OSBPL9: variants seen among roughly 807,000 people sequenced by gnomAD.
OSBPL9 encodes oxysterol-binding protein-related protein 9.
Under a neutral mutation model 106.6 loss-of-function variants are expected in OSBPL9, and 40 were observed. The observed-to-expected ratio is 0.38, with a 90% CI of 0.29 to 0.49. The LOEUF (loss-of-function observed/expected upper bound fraction) is 0.49. OSBPL9 is among the 20% of genes least tolerant of loss of function. The pLI is 0.97. For synonymous variants in OSBPL9, 269 were observed against 295.4 expected (o/e 0.91, Z 0.92); for missense variants, 609 against 887.2 (o/e 0.69, Z 3.98).
chr1:51,730,249 G>C, intron 4 of OSBPL9: 1 of 928,314 alleles, frequency 1.1e-6, no homozygotes, highest in Non-Finnish European at 1.4e-6. Flanking sequence ...GCCCCCAAAT[G>C]AGACTTTGGA....
chr1:51,617,041 G>T, upstream of OSBPL9: 1 of 352,966 alleles, frequency 2.8e-6, no homozygotes, highest in Non-Finnish European at 4.7e-6. Flanking sequence ...CTGCGGCCCC[G>T]CCCCCCGCAT....
intron 3 of OSBPL9, among the ~76,000 whole-genome samples, chr1:51,706,225 G>A (rs1658502993): frequency 6.6e-6 from 1 of 152,188 alleles, no homozygotes; most frequent in East Asian, 1.9e-4. Context: ...TTTAATATTA[G>A]AGTGTTTTTG....
intron 1 of OSBPL9, among the ~76,000 whole-genome samples, chr1:51,590,347 G>A (rs9436460): frequency 0.99 from 149,855 of 151,952 alleles, 73,939 homozygotes; most frequent in Middle Eastern, 1. Context: ...GTGGCCGGGC[G>A]CGGTGGCTCA....
chr1:51,672,759 C>T (rs2148772117), intron 3 of OSBPL9, among the ~76,000 whole-genome samples: 1 of 152,260 alleles, frequency 6.6e-6, no homozygotes, highest in African/African-American at 2.4e-5. Context: ...AAAGACAAGT[C>T]TAGGTTGAGT....
intron 21 of OSBPL9, 183 bp downstream of exon 21, chr1:51,786,069 C>A: frequency 1.7e-6 from 1 of 586,360 alleles, no homozygotes; most frequent in Non-Finnish European, 3.0e-6. Flanking sequence ...CTTTCCTTCC[C>A]CCACCTTCTC....
chr1:51,705,245 T>C (rs1458021671), intron 3 of OSBPL9, among the ~76,000 whole-genome samples: 1 of 151,254 alleles, frequency 6.6e-6, no homozygotes, highest in Non-Finnish European at 1.5e-5. Context: ...ACTCTTGGGC[T>C]CAAGTGAGCC....
intron 1 of OSBPL9, among the ~76,000 whole-genome samples, chr1:51,580,203 G>A (rs966118071): frequency 7.2e-5 from 11 of 152,182 alleles, no homozygotes; most frequent in Admixed American, 6.5e-5. Flanking sequence ...GCCTTGTGGG[G>A]TGGTGAACAG....
intron 1 of OSBPL9, among the ~76,000 whole-genome samples, chr1:51,633,602 TAAATA>T (rs140884503): frequency 0.1 from 15,032 of 149,408 alleles, 906 homozygotes; most frequent in African/African-American, 0.16. Context: ...AAAAATAAAG[TAAATA>T]AAATAAAATA....
intron 7 of OSBPL9, chr1:51,749,390 G>A (rs957334032): frequency 4.4e-6 from 1 of 225,352 alleles, no homozygotes; most frequent in African/African-American, 2.2e-5. Context: ...ATAGCTCACT[G>A]CAGCTTCGAA....
At chr1:51,714,586 T>C (rs1162311609) in intron 4 of OSBPL9, among the ~76,000 whole-genome samples, 1 of 152,216 alleles carries the variant, frequency 6.6e-6, no homozygotes, top group Non-Finnish European at 1.5e-5. Flanking sequence ...GTAATTCATG[T>C]CATGAGGACT....
the OSBPL9 span, among the ~76,000 whole-genome samples, chr1:51,560,217 C>T: frequency 6.6e-6 from 1 of 152,188 alleles, no homozygotes; most frequent in Non-Finnish European, 1.5e-5. Context: ...GCAGGATATA[C>T]CCAAGGACAG....
chr1:51,518,821 C>T, the OSBPL9 span, among the ~76,000 whole-genome samples: 1 of 151,796 alleles, frequency 6.6e-6, no homozygotes, highest in Non-Finnish European at 1.5e-5. Context: ...AGGAGCTCAC[C>T]TGGGATGCGT....
the OSBPL9 span, among the ~76,000 whole-genome samples, chr1:51,558,096 C>A: frequency 7.4e-4 from 112 of 152,212 alleles, no homozygotes; most frequent in African/African-American, 2.6e-3. Context: ...CTGGCTAACA[C>A]GGTGAAACCC....
At position 51,780,546 on chromosome 1, in the gene OSBPL9, C is replaced by T. The variant is rs528543561; in HGVS notation, c.1257-618C>T. 5.9e-5 allele frequency among the ~76,000 whole-genome samples: 9 copies of T among 152,234 alleles called. No homozygotes were observed. The South Asian group carries it at 1.9e-3, about 32-fold the overall frequency. On this transcript the variant is annotated intron_variant, in intron 15 of 23. Transcript: ENST00000428468. ...AATGCTACTCAGCCATAAAAAGGAA[C>T]GAAATAATGGCATTCACAGCAATCT...
At chr1:51,611,113 C>T (rs971160588) in intron 2 of OSBPL9, among the ~76,000 whole-genome samples, 3 of 152,148 alleles carry the variant, frequency 2.0e-5, no homozygotes, top group African/African-American at 7.2e-5. Context: ...CTTTTCTTTC[C>T]TTAGAACACT....
chr1:51,665,220 C>T (rs186318951), intron 2 of OSBPL9, among the ~76,000 whole-genome samples: 81 of 152,332 alleles, frequency 5.3e-4, no homozygotes, highest in Middle Eastern at 3.4e-3. Flanking sequence ...TCTTGGTTCA[C>T]GGCAACCTCC....
intron 1 of OSBPL9, among the ~76,000 whole-genome samples, chr1:51,583,196 C>T (rs1645230490): frequency 6.6e-6 from 1 of 152,076 alleles, no homozygotes; most frequent in Non-Finnish European, 1.5e-5. Context: ...TGGCTAGCCT[C>T]TATGCCGAGA....
intron 1 of OSBPL9, among the ~76,000 whole-genome samples, chr1:51,586,102 A>G (rs1645246061): frequency 6.6e-6 from 1 of 151,728 alleles, no homozygotes; most frequent in South Asian, 2.1e-4. Flanking sequence ...TAAACCCAGG[A>G]GGCAGAGGTT....
chr1:51,578,616 T>A (rs1407820178), intron 1 of OSBPL9, among the ~76,000 whole-genome samples: 1 of 151,982 alleles, frequency 6.6e-6, no homozygotes, highest in African/African-American at 2.4e-5. Context: ...CAGTTACAGA[T>A]CTGAGACTAG....
Sources: gnomAD v4.1 joint callset for allele counts (sites outside exome capture counted in the v4.1 genomes callset) on GRCh38, gnomAD v4.1.1 for gene constraint, MANE v1.5 for transcripts, NCBI Gene and HGNC (gene_info 2026-07-23, HGNC 2026-07-21) for gene names.